Variants in EGFLAM observed in about 807,000 individuals in gnomAD.
EGFLAM encodes the protein pikachurin.
A neutral mutation model predicts 113.1 loss-of-function variants in EGFLAM; 79 were observed. The observed-to-expected ratio is 0.70, with a 90% confidence interval of 0.58 to 0.84. EGFLAM has a LOEUF of 0.84. EGFLAM is among the 40% of genes least tolerant of loss of function. The pLI is 0.00. For missense variants in EGFLAM, 1,265 were observed against 1,291.6 expected (o/e 0.98, Z 0.32); for synonymous variants, 504 against 487.6 (o/e 1.03, Z -0.44).
At chr5:38,286,566 A>G (rs1758168294) in intron 1 of EGFLAM, among the ~76,000 whole-genome samples, 1 of 152,228 alleles carries the variant, frequency 6.6e-6, no homozygotes, top group Non-Finnish European at 1.5e-5. Context: ...CTTAGTGGTC[A>G]TGGTGGACTT....
chr5:38,285,254 A>G (rs1159709836), intron 1 of EGFLAM, among the ~76,000 whole-genome samples: 2 of 152,232 alleles, frequency 1.3e-5, no homozygotes, highest in Admixed American at 1.3e-4. Context: ...AGATTTCCCC[A>G]TCTTTTAGAG....
chr5:38,368,688 A>C (rs1205762098), intron 5 of EGFLAM, among the ~76,000 whole-genome samples: 1 of 152,132 alleles, frequency 6.6e-6, no homozygotes, highest in Non-Finnish European at 1.5e-5. Flanking sequence ...GGAGCAAGCA[A>C]AGGGATGGGG....
intron 5 of EGFLAM, among the ~76,000 whole-genome samples, chr5:38,358,842 A>C: frequency 6.6e-6 from 1 of 152,172 alleles, no homozygotes; most frequent in Admixed American, 6.5e-5. Flanking sequence ...TGAAGAGGCA[A>C]GTTCTGAGTA....
intron 3 of EGFLAM, 77 bp downstream of exon 3, chr5:38,338,858 G>C: frequency 1.7e-6 from 2 of 1,168,874 alleles, no homozygotes; most frequent in Non-Finnish European, 2.6e-6. Context: ...TGGTGTGTGT[G>C]CTACTGTACA....
rs1005066752 is a variant in EGFLAM, at chr5:38,406,766, T to C, written c.829-62T>C. The C allele has an allele frequency of 4.0e-6, 6 of 1,503,876 alleles. No individual in the cohort carries two copies. In the East Asian group the frequency reaches 1.4e-4, roughly 34 times the overall value. The allele number at this position is 1,503,876 out of a possible 1,614,324, so 93.2% of individuals were successfully genotyped here. A position where few individuals can be genotyped will look rare whatever the true frequency, so the allele number is the denominator to read the frequency against. On this transcript the variant is annotated intron_variant, in intron 7 of 21. Coordinates refer to ENST00000322350, the MANE Select transcript of EGFLAM (RefSeq NM_152403.4). ...TCAAGTACTAGGCAACAACTATAAA[T>C]AAAACAGTCCAATTGCCATGCTCTG...
chr5:38,462,656 C>T (rs1040801089), intron 20 of EGFLAM: 1 of 424,230 alleles, frequency 2.4e-6, no homozygotes, highest in East Asian at 4.6e-5. Context: ...CCACAGCACC[C>T]TTGTGGTCTT....
At chr5:38,454,463 G>A (rs947807423) in intron 19 of EGFLAM, among the ~76,000 whole-genome samples, 33 of 152,194 alleles carry the variant, frequency 2.2e-4, no homozygotes, top group African/African-American at 7.2e-4. Flanking sequence ...GGGGTTCAGT[G>A]TGGGGTCAGG....
chr5:38,312,232 C>G (rs1022217100), intron 1 of EGFLAM, among the ~76,000 whole-genome samples: 8 of 151,188 alleles, frequency 5.3e-5, no homozygotes, highest in South Asian at 2.1e-4. Context: ...CTCTATCTCT[C>G]TGTATCTCAG....
chr5:38,450,381 G>T (rs1421374234), intron 18 of EGFLAM, among the ~76,000 whole-genome samples: 5 of 152,160 alleles, frequency 3.3e-5, no homozygotes, highest in Non-Finnish European at 7.3e-5. Flanking sequence ...ACGAGCTCAG[G>T]CTCTGGGAAG....
chr5:38,346,209 T>G (rs1056194947), intron 3 of EGFLAM, among the ~76,000 whole-genome samples: 9 of 152,224 alleles, frequency 5.9e-5, no homozygotes, highest in African/African-American at 1.9e-4. Context: ...ACGATTTTGC[T>G]TGGTTTTCAG....
At chr5:38,288,649 C>A (rs2111781983) in intron 1 of EGFLAM, among the ~76,000 whole-genome samples, 1 of 152,248 alleles carries the variant, frequency 6.6e-6, no homozygotes, top group Non-Finnish European at 1.5e-5. Flanking sequence ...TGGTATTGTT[C>A]AGTTACATAA....
chr5:38,415,988 G>T lies in EGFLAM; in HGVS notation c.1495-2078G>T, dbSNP rs368153616. On this transcript the variant is annotated intron_variant, in intron 11 of 21. Coordinates refer to ENST00000322350, the MANE Select transcript of EGFLAM (RefSeq NM_152403.4). ...TCCCACTGAGTCCCTCCCACGACCC[G>T]TGGGGATTATAGGAGCTACAATTCA... Among the ~76,000 whole-genome samples the T allele has an allele frequency of 5.8e-4, 88 of 152,146 alleles. 1 individual carries two copies. The South Asian group carries it at 8.9e-3, about 15-fold the overall frequency.
At chr5:38,309,310 T>C (rs1758805025) in intron 1 of EGFLAM, among the ~76,000 whole-genome samples, 1 of 152,232 alleles carries the variant, frequency 6.6e-6, no homozygotes, top group Non-Finnish European at 1.5e-5. Context: ...GAAATTGGTA[T>C]GCTCTACAAA....
chr5:38,297,196 A>T (rs1241259796), intron 1 of EGFLAM, among the ~76,000 whole-genome samples: 1 of 152,216 alleles, frequency 6.6e-6, no homozygotes. Context: ...CCATTGTATT[A>T]TGGTTATGTA....
At chr5:38,422,835 C>A (rs1356051361) in intron 12 of EGFLAM, among the ~76,000 whole-genome samples, 2 of 152,010 alleles carry the variant, frequency 1.3e-5, no homozygotes, top group African/African-American at 4.8e-5. Flanking sequence ...AAATACATAC[C>A]CAGCTCCAGG....
intron 1 of EGFLAM, among the ~76,000 whole-genome samples, chr5:38,293,633 G>A (rs1473743289): frequency 6.6e-6 from 1 of 152,134 alleles, no homozygotes; most frequent in Non-Finnish European, 1.5e-5. Context: ...TACAAATGGT[G>A]GAGTTGCAGG....
chr5:38,426,051 C>T (rs911721859), intron 13 of EGFLAM, among the ~76,000 whole-genome samples: 2 of 150,546 alleles, frequency 1.3e-5, no homozygotes, highest in African/African-American at 4.9e-5. Flanking sequence ...TGCAGTGAGC[C>T]GAGATAGCAC....
At chr5:38,405,124 T>C (rs969644337) in intron 6 of EGFLAM, among the ~76,000 whole-genome samples, 5 of 152,078 alleles carry the variant, frequency 3.3e-5, no homozygotes, top group Admixed American at 3.3e-4. Context: ...TTTACTATAA[T>C]CTCCCTTTTT....
intron 6 of EGFLAM, among the ~76,000 whole-genome samples, chr5:38,405,781 T>C (rs1255429665): frequency 6.6e-6 from 1 of 152,214 alleles, no homozygotes; most frequent in Non-Finnish European, 1.5e-5. Flanking sequence ...TATTTCCAAG[T>C]ATTTCACAAA....
Sources: allele counts gnomAD v4.1 joint callset (sites outside exome capture counted in the v4.1 genomes callset), GRCh38; gene constraint gnomAD v4.1.1; transcripts MANE v1.5; gene names NCBI Gene and HGNC (gene_info 2026-07-23, HGNC 2026-07-21).